GALNT13: variants seen among roughly 807,000 people sequenced by gnomAD.
GALNT13 encodes the protein UDP-GalNAc:polypeptide N-acetylgalactosaminyltransferase 13.
GALNT13 carries 28 observed loss-of-function variants against 64.2 expected under a neutral mutation model. The observed-to-expected ratio is 0.44, with a 90% CI of 0.32 to 0.60. The LOEUF (loss-of-function observed/expected upper bound fraction) is 0.60, where lower values mean the gene tolerates loss of function less well. Among genes scored for constraint, GALNT13 ranks in the 20% least tolerant of loss-of-function variants. The pLI is 0.05. For synonymous variants in GALNT13, 214 were observed against 224.6 expected, an observed-to-expected ratio of 0.95 and a Z score of 0.42; for missense variants, 577 against 669.8, an observed-to-expected ratio of 0.86 and a Z score of 1.53.
At chr2:154,424,415 A>G (rs886184575) in intron 11 of GALNT13, among the ~76,000 whole-genome samples, 2 of 152,218 alleles carry the variant, frequency 1.3e-5, no homozygotes, top group African/African-American at 4.8e-5. Flanking sequence ...TATTTAATAT[A>G]CAGTATATTT....
intron 9 of GALNT13, among the ~76,000 whole-genome samples, chr2:154,382,728 G>A (rs984939883): frequency 2.6e-5 from 4 of 151,756 alleles, no homozygotes; most frequent in Admixed American, 6.6e-5. Flanking sequence ...GACAGTTGAG[G>A]CCATGAATAC....
chr2:153,292,704 GAA>G, the GALNT13 span, among the ~76,000 whole-genome samples: 1 of 152,088 alleles, frequency 6.6e-6, no homozygotes, highest in Non-Finnish European at 1.5e-5. Flanking sequence ...TAATCCCAGG[GAA>G]AAGAGATGGA....
chr2:154,078,355 T>C (rs1701096090), intron 3 of GALNT13, among the ~76,000 whole-genome samples: 3 of 151,594 alleles, frequency 2.0e-5, no homozygotes, highest in Admixed American at 6.6e-5. Context: ...ATTAAAATTA[T>C]GTTCTTATTG....
At chr2:153,731,024 A>G in the GALNT13 span, among the ~76,000 whole-genome samples, 1 of 151,794 alleles carries the variant, frequency 6.6e-6, no homozygotes, top group South Asian at 2.1e-4. Flanking sequence ...AAGTCAACCC[A>G]GATGTCCATT....
chr2:154,393,940 T>C (rs970702227), intron 9 of GALNT13, among the ~76,000 whole-genome samples: 1 of 148,138 alleles, frequency 6.8e-6, no homozygotes, highest in South Asian at 2.2e-4. Flanking sequence ...TAGCCGGGCG[T>C]AGTGGCGGGC....
At chr2:154,270,561 G>T (rs969125138) in intron 8 of GALNT13, among the ~76,000 whole-genome samples, 1 of 151,572 alleles carries the variant, frequency 6.6e-6, no homozygotes, top group South Asian at 2.1e-4. Flanking sequence ...CAAAGCAACC[G>T]AGAGGAAAGA....
At chr2:154,317,083 T>G (rs1323881015) in intron 9 of GALNT13, among the ~76,000 whole-genome samples, 2 of 151,876 alleles carry the variant, frequency 1.3e-5, no homozygotes, top group African/African-American at 4.8e-5. Context: ...CGTGGTGGTA[T>G]GCACCTGTAG....
At chr2:153,726,939 CAA>C in the GALNT13 span, among the ~76,000 whole-genome samples, 11 of 50,936 alleles carry the variant, frequency 2.2e-4, no homozygotes, top group African/African-American at 6.6e-4. Context: ...GACTCCATCT[CAA>C]AAAAAAAAAA....
intron 2 of GALNT13, among the ~76,000 whole-genome samples, chr2:153,902,467 T>C (rs1688302728): frequency 6.6e-6 from 1 of 152,146 alleles, no homozygotes; most frequent in Non-Finnish European, 1.5e-5. Flanking sequence ...AAGGAAACTT[T>C]GTCATTAGTT....
At chr2:153,148,744 A>G in the GALNT13 span, among the ~76,000 whole-genome samples, 8 of 152,012 alleles carry the variant, frequency 5.3e-5, no homozygotes, top group South Asian at 1.0e-3. Flanking sequence ...AGGAAAAAGT[A>G]TTTGATCAAC....
At chr2:153,662,987 C>G in the GALNT13 span, among the ~76,000 whole-genome samples, 1 of 152,100 alleles carries the variant, frequency 6.6e-6, no homozygotes. Context: ...AAGGTGCTCC[C>G]CAACTCTTTT....
chr2:154,408,394 T>G (rs1699647906), intron 10 of GALNT13, among the ~76,000 whole-genome samples: 1 of 152,072 alleles, frequency 6.6e-6, no homozygotes, highest in Admixed American at 6.6e-5. Flanking sequence ...AGCATTGTAA[T>G]AGCTTTCCTT....
chr2:153,856,613 A>G, the GALNT13 span, among the ~76,000 whole-genome samples: 3 of 152,302 alleles, frequency 2.0e-5, no homozygotes, highest in East Asian at 3.9e-4. Flanking sequence ...ATCTGAAAAG[A>G]CAAAATTTCT....
At chr2:153,237,168 AT>A in the GALNT13 span, among the ~76,000 whole-genome samples, 2 of 152,048 alleles carry the variant, frequency 1.3e-5, no homozygotes, top group Non-Finnish European at 2.9e-5. Flanking sequence ...GTTGCTTCTT[AT>A]GGATGAGCAA....
At chr2:153,140,513 C>T in the GALNT13 span, among the ~76,000 whole-genome samples, 1 of 152,012 alleles carries the variant, frequency 6.6e-6, no homozygotes, top group South Asian at 2.1e-4. Flanking sequence ...TCAAATTGAG[C>T]AGGACTAACT....
the GALNT13 span, among the ~76,000 whole-genome samples, chr2:153,710,262 G>T: frequency 6.6e-6 from 1 of 151,926 alleles, no homozygotes; most frequent in Non-Finnish European, 1.5e-5. Flanking sequence ...ACCACAATTT[G>T]TCAATAAAAA....
At chr2:153,219,171 A>G in the GALNT13 span, among the ~76,000 whole-genome samples, 1 of 152,238 alleles carries the variant, frequency 6.6e-6, no homozygotes, top group Non-Finnish European at 1.5e-5. Flanking sequence ...ATTCCTTACC[A>G]ATTTAGTCAT....
chr2:153,224,080 G>T, the GALNT13 span, among the ~76,000 whole-genome samples: 1 of 152,130 alleles, frequency 6.6e-6, no homozygotes, highest in African/African-American at 2.4e-5. Flanking sequence ...GATTCAAAAT[G>T]AATAACCTAG....
At chr2:153,765,085 G>A in the GALNT13 span, among the ~76,000 whole-genome samples, 1 of 152,186 alleles carries the variant, frequency 6.6e-6, no homozygotes, top group African/African-American at 2.4e-5. Context: ...TCTTTGTGAG[G>A]GCAGTGCAGA....
Sources: allele counts gnomAD v4.1 joint callset (sites outside exome capture counted in the v4.1 genomes callset), GRCh38; gene constraint gnomAD v4.1.1; transcripts MANE v1.5; gene names NCBI Gene and HGNC (gene_info 2026-07-23, HGNC 2026-07-21).